Variants in CAMK1D observed in about 807,000 individuals in gnomAD.
The protein encoded by CAMK1D is calcium/calmodulin-dependent protein kinase type 1D.
CAMK1D carries 9 observed loss-of-function variants against 47.7 expected under a neutral mutation model. The ratio of observed to expected loss-of-function variants is 0.19; its 90% CI spans 0.11 to 0.33. The LOEUF (loss-of-function observed/expected upper bound fraction) is 0.33. CAMK1D is among the 10% of genes least tolerant of loss of function. CAMK1D has a pLI of 1.00. For synonymous variants in CAMK1D, 184 were observed against 184.9 expected (o/e 0.99, Z 0.04); for missense variants, 291 against 488.7 (o/e 0.60, Z 3.81).
intron 2 of CAMK1D, among the ~76,000 whole-genome samples, chr10:12,631,213 G>C (rs954158844): frequency 6.6e-6 from 1 of 152,180 alleles, no homozygotes; most frequent in Non-Finnish European, 1.5e-5. Flanking sequence ...AGACTATTGA[G>C]TGTGACTTTT....
chr10:12,423,060 T>C (rs1392523142), intron 1 of CAMK1D, among the ~76,000 whole-genome samples: 1 of 152,174 alleles, frequency 6.6e-6, no homozygotes, highest in Non-Finnish European at 1.5e-5. Context: ...AACTTGGGCT[T>C]GTATCTAGAA....
At chr10:12,675,930 C>CT (rs947174688) in intron 3 of CAMK1D, among the ~76,000 whole-genome samples, 40 of 152,070 alleles carry the variant, frequency 2.6e-4, no homozygotes, top group Middle Eastern at 3.4e-3. Flanking sequence ...AATCGCTTAT[C>CT]TTTTTTTATG....
intron 5 of CAMK1D, among the ~76,000 whole-genome samples, chr10:12,775,036 CTG>C (rs1309912524): frequency 1.3e-5 from 2 of 151,508 alleles, no homozygotes; most frequent in African/African-American, 2.4e-5. Context: ...TCAGGTGAGA[CTG>C]TGAGAAGGCT....
chr10:12,432,201 G>A (rs1178803818), intron 1 of CAMK1D, among the ~76,000 whole-genome samples: 1 of 152,248 alleles, frequency 6.6e-6, no homozygotes, highest in East Asian at 1.9e-4. Context: ...ACCCACAGAG[G>A]TGGATTGAAA....
At chr10:12,514,976 G>C (rs1008842726) in intron 1 of CAMK1D, among the ~76,000 whole-genome samples, 1 of 152,014 alleles carries the variant, frequency 6.6e-6, no homozygotes, top group South Asian at 2.1e-4. Context: ...TCAGCCTCCT[G>C]ACTAGCTGGG....
At chr10:12,759,184 A>G (rs1258393339) in intron 3 of CAMK1D, among the ~76,000 whole-genome samples, 3 of 152,154 alleles carry the variant, frequency 2.0e-5, no homozygotes, top group Non-Finnish European at 4.4e-5. Context: ...CTCCGTCTCT[A>G]CTAAAAATAC....
intron 2 of CAMK1D, among the ~76,000 whole-genome samples, chr10:12,651,713 T>C (rs944357199): frequency 6.6e-6 from 1 of 152,040 alleles, no homozygotes; most frequent in African/African-American, 2.4e-5. Context: ...ACTTCTTTTT[T>C]GTTTTTAAAG....
At chr10:12,498,218 A>G (rs1834599328) in intron 1 of CAMK1D, among the ~76,000 whole-genome samples, 1 of 152,240 alleles carries the variant, frequency 6.6e-6, no homozygotes, top group African/African-American at 2.4e-5. Flanking sequence ...AAACAGATGA[A>G]GGAAGAATGT....
intron 1 of CAMK1D, among the ~76,000 whole-genome samples, chr10:12,453,099 A>G (rs890135506): frequency 1.6e-4 from 24 of 152,006 alleles, no homozygotes; most frequent in Non-Finnish European, 4.4e-5. Flanking sequence ...TGGATTCGTC[A>G]ATATTTGCCT....
chr10:12,427,707 T>TTG (rs1467390480), intron 1 of CAMK1D, among the ~76,000 whole-genome samples: 1 of 98,998 alleles, frequency 1.0e-5, no homozygotes, highest in African/African-American at 3.7e-5. Flanking sequence ...ACTGTTTTTT[T>TTG]TTTTTTTTTT....
intron 3 of CAMK1D, among the ~76,000 whole-genome samples, chr10:12,680,884 C>G (rs1475686175): frequency 7.1e-6 from 1 of 140,366 alleles, no homozygotes; most frequent in South Asian, 2.3e-4. Context: ...GACCATGTCT[C>G]AAAAAAAAAA....
chr10:12,740,221 A>G (rs1235503248), intron 3 of CAMK1D, among the ~76,000 whole-genome samples: 1 of 152,180 alleles, frequency 6.6e-6, no homozygotes, highest in African/African-American at 2.4e-5. Context: ...AGGCCACCCC[A>G]TGAAGGAAAT....
At chr10:12,411,520 C>A (rs888743767) in intron 1 of CAMK1D, among the ~76,000 whole-genome samples, 3 of 150,416 alleles carry the variant, frequency 2.0e-5, no homozygotes, top group African/African-American at 7.3e-5. Context: ...TGCCCTGTGC[C>A]GATGGAAAAA....
intron 1 of CAMK1D, among the ~76,000 whole-genome samples, chr10:12,375,398 G>A (rs1233831225): frequency 6.6e-6 from 1 of 152,198 alleles, no homozygotes; most frequent in Non-Finnish European, 1.5e-5. Flanking sequence ...CCTTCCGTGT[G>A]AGGATTGCTC....
At position 12,672,896 on chromosome 10, in the gene CAMK1D, C is replaced by CTTTTTTTTTTTTT. The variant is rs750447013; in HGVS notation, c.299+6093_299+6105dup. Among the ~76,000 whole-genome samples, 41 of 76,484 alleles carry CTTTTTTTTTTTTT rather than the reference C, an allele frequency of 5.4e-4. 3 individuals carry two copies. Among genetic ancestry groups the CTTTTTTTTTTTTT allele is most frequent in the African/African-American group, 1.8e-3 (29 of 15,838 alleles). The allele number at this position is 76,484 out of a possible 152,430, so 50.2% of individuals were successfully genotyped here. Reference sequence around the variant, plus strand: ...CATGTAAGTTTTAGAATAGGCTTGCCTTTTTTTTTTTTTTTTTTTAGTCAG... The same window carrying CTTTTTTTTTTTTT: ...CATGTAAGTTTTAGAATAGGCTTGCCTTTTTTTTTTTTTTTTTTTTTTTTTTTTTTTTAGTCAG... On this transcript the variant is annotated intron_variant, in intron 3 of 10. Coordinates refer to ENST00000619168, the MANE Select transcript of CAMK1D (RefSeq NM_153498.4).
At chr10:12,445,615 G>A (rs1027944693) in intron 1 of CAMK1D, among the ~76,000 whole-genome samples, 4 of 152,126 alleles carry the variant, frequency 2.6e-5, no homozygotes, top group African/African-American at 9.7e-5. Flanking sequence ...TCCCAAGGCC[G>A]TTTTCCCCAC....
At chr10:12,699,015 A>C (rs1833407313) in intron 3 of CAMK1D, among the ~76,000 whole-genome samples, 1 of 151,996 alleles carries the variant, frequency 6.6e-6, no homozygotes, top group Non-Finnish European at 1.5e-5. Flanking sequence ...AGAAATCAGA[A>C]GGAGCCAAAT....
intron 1 of CAMK1D, among the ~76,000 whole-genome samples, chr10:12,410,283 CTG>C (rs200604548): frequency 6.6e-6 from 1 of 151,966 alleles, no homozygotes; most frequent in Non-Finnish European, 1.5e-5. Context: ...CTGTCTCTTT[CTG>C]TGTGTGTGTG....
chr10:12,696,003 G>A (rs879935497), intron 3 of CAMK1D, among the ~76,000 whole-genome samples: 13 of 152,092 alleles, frequency 8.5e-5, no homozygotes, highest in Admixed American at 5.9e-4. Flanking sequence ...GCTTGAACCC[G>A]GGAGGTGGAG....
Sources: allele counts gnomAD v4.1 joint callset (sites outside exome capture counted in the v4.1 genomes callset), GRCh38; gene constraint gnomAD v4.1.1; transcripts MANE v1.5; gene names NCBI Gene and HGNC (gene_info 2026-07-23, HGNC 2026-07-21).